Variants in SLC25A26 observed in about 807,000 individuals in gnomAD.
SLC25A26 encodes mitochondrial S-adenosylmethionine carrier protein.
In SLC25A26, 36 loss-of-function variants were observed where a neutral mutation model predicts 37.8. That is an observed-to-expected ratio of 0.95 (90% CI 0.73 to 1.26). The LOEUF (loss-of-function observed/expected upper bound fraction) is 1.26, where lower values mean the gene tolerates loss of function less well. Among genes scored for constraint, SLC25A26 ranks in the 50% most tolerant of loss-of-function variants. The probability of loss-of-function intolerance (pLI) is 0.00; values close to 1 mark genes in which losing one functional copy is unlikely to be tolerated. For synonymous variants in SLC25A26, 129 were observed against 122.5 expected (o/e 1.05, Z -0.35); for missense variants, 390 against 331.1 (o/e 1.18, Z -1.38).
At chr3:66,219,643 G>C (rs1310234714), upstream of SLC25A26, among the ~76,000 whole-genome samples, 3 of 152,142 alleles carry the variant, frequency 2.0e-5, no homozygotes, top group East Asian at 5.8e-4. Flanking sequence ...TCTGTGTGTA[G>C]TCCGGCTAGT....
chr3:66,325,110 G>C (rs192818613), intron 5 of SLC25A26, among the ~76,000 whole-genome samples: 1 of 152,062 alleles, frequency 6.6e-6, no homozygotes, highest in Non-Finnish European at 1.5e-5. Context: ...CCTTATCTTG[G>C]TCTCCTTCAA....
upstream of SLC25A26, among the ~76,000 whole-genome samples, chr3:66,219,302 C>A (rs2071409363): frequency 6.6e-6 from 1 of 152,176 alleles, no homozygotes; most frequent in Non-Finnish European, 1.5e-5. Flanking sequence ...TGCATAATCA[C>A]CCCACTGATT....
At chr3:66,312,139 A>T in intron 5 of SLC25A26, among the ~76,000 whole-genome samples, 1 of 152,108 alleles carries the variant, frequency 6.6e-6, no homozygotes, top group Middle Eastern at 3.2e-3. Flanking sequence ...TGGGAGTTTT[A>T]TCTATAAGCA....
chr3:66,191,684 G>T (rs2070944861), intron 1 of SLC25A26, among the ~76,000 whole-genome samples: 1 of 151,574 alleles, frequency 6.6e-6, no homozygotes, highest in Admixed American at 6.6e-5. Context: ...GAGGTCAGGA[G>T]TTCAAGACCA....
chr3:66,241,029 G>A (rs2072558475), intron 2 of SLC25A26, among the ~76,000 whole-genome samples: 1 of 152,138 alleles, frequency 6.6e-6, no homozygotes, highest in South Asian at 2.1e-4. Context: ...ATACAGGCGT[G>A]AGCCACCGTA....
intron 2 of SLC25A26, among the ~76,000 whole-genome samples, chr3:66,241,524 A>G (rs1009745471): frequency 3.3e-5 from 5 of 152,184 alleles, no homozygotes; most frequent in Non-Finnish European, 7.3e-5. Flanking sequence ...CAGGTTTTAC[A>G]TTCTTCCCTC....
chr3:66,191,108 G>A (rs1027378357), intron 1 of SLC25A26, among the ~76,000 whole-genome samples: 19 of 152,132 alleles, frequency 1.2e-4, no homozygotes, highest in African/African-American at 3.4e-4. Context: ...AAGCACATAT[G>A]AGTATGTGTC....
At chr3:66,240,149 ATAAT>A (rs2072502966) in intron 2 of SLC25A26, among the ~76,000 whole-genome samples, 1 of 152,108 alleles carries the variant, frequency 6.6e-6, no homozygotes, top group Non-Finnish European at 1.5e-5. Flanking sequence ...TCCTGTGGAG[ATAAT>A]TAGTGTCACG....
intron 2 of SLC25A26, among the ~76,000 whole-genome samples, chr3:66,237,979 TC>T (rs1445122981): frequency 6.6e-6 from 1 of 152,224 alleles, no homozygotes; most frequent in Non-Finnish European, 1.5e-5. Flanking sequence ...CTCCTGCCCT[TC>T]CCCATCCCCC....
intron 1 of SLC25A26, among the ~76,000 whole-genome samples, chr3:66,170,143 T>A (rs1289194223): frequency 6.6e-6 from 1 of 152,232 alleles, no homozygotes; most frequent in Non-Finnish European, 1.5e-5. Context: ...GTTTTACTAA[T>A]AATCTATTAA....
chr3:66,184,622 C>CTATGTATTA (rs2070790011), intron 1 of SLC25A26, among the ~76,000 whole-genome samples: 10 of 152,202 alleles, frequency 6.6e-5, no homozygotes, highest in Non-Finnish European at 7.4e-5. Context: ...ACATGCTCAA[C>CTATGTATTA]CAAATCCTCA....
intron 3 of SLC25A26, among the ~76,000 whole-genome samples, chr3:66,245,810 A>T (rs1001556778): frequency 2.6e-5 from 4 of 152,242 alleles, no homozygotes; most frequent in African/African-American, 7.2e-5. Context: ...AACCAGCTTT[A>T]TTGAGATACA....
chr3:66,154,149 T>C (rs1372986190), intron 1 of SLC25A26, among the ~76,000 whole-genome samples: 3 of 152,034 alleles, frequency 2.0e-5, no homozygotes, highest in African/African-American at 7.2e-5. Flanking sequence ...GTCTGGGCAA[T>C]TTGGGTATGA....
intron 5 of SLC25A26, among the ~76,000 whole-genome samples, chr3:66,289,464 TTTAAGTC>T (rs2074630002): frequency 6.6e-6 from 1 of 152,202 alleles, no homozygotes; most frequent in Non-Finnish European, 1.5e-5. Context: ...AGGTCTAACG[TTTAAGTC>T]TTTAACCCAT....
chr3:66,258,094 C>G (rs1466350980), intron 3 of SLC25A26, among the ~76,000 whole-genome samples: 1 of 152,114 alleles, frequency 6.6e-6, no homozygotes, highest in African/African-American at 2.4e-5. Context: ...CCACAGAATA[C>G]TGATTTGGTT....
intron 1 of SLC25A26, among the ~76,000 whole-genome samples, chr3:66,157,187 T>C (rs1273015555): frequency 1.3e-5 from 2 of 152,154 alleles, no homozygotes; most frequent in Non-Finnish European, 2.9e-5. Flanking sequence ...TGAGCCATGA[T>C]GGCCCCACTG....
At chr3:66,264,755 G>A (rs2073677922) in intron 5 of SLC25A26, among the ~76,000 whole-genome samples, 1 of 152,160 alleles carries the variant, frequency 6.6e-6, no homozygotes, top group Admixed American at 6.5e-5. Flanking sequence ...GGTTTAAGAG[G>A]TGGATGTCTC....
chr3:66,164,091 T>C (rs1280952725), intron 1 of SLC25A26, among the ~76,000 whole-genome samples: 1 of 152,228 alleles, frequency 6.6e-6, no homozygotes, highest in Admixed American at 6.5e-5. Context: ...TTCATTATAT[T>C]CCAGGCCTAT....
At chr3:66,240,056 C>T (rs1275845196) in intron 2 of SLC25A26, among the ~76,000 whole-genome samples, 19 of 152,000 alleles carry the variant, frequency 1.3e-4, no homozygotes, top group Admixed American at 1.2e-3. Context: ...TGTGGTATGG[C>T]ACTAACCACG....
Sources: allele counts gnomAD v4.1 joint callset (sites outside exome capture counted in the v4.1 genomes callset), GRCh38; gene constraint gnomAD v4.1.1; transcripts MANE v1.5; gene names NCBI Gene and HGNC (gene_info 2026-07-23, HGNC 2026-07-21).